The following ALK variants were observed in gnomAD, a reference collection of about 807,000 sequenced individuals.
ALK encodes ALK tyrosine kinase receptor.
Under a neutral mutation model 163.1 loss-of-function variants are expected in ALK, and 74 were observed. That is an observed-to-expected ratio of 0.45 (90% CI 0.38 to 0.55). ALK has a LOEUF of 0.55. ALK is among the 20% of genes least tolerant of loss of function. The pLI is 0.00. For synonymous variants in ALK, 960 were observed against 843.2 expected (o/e 1.14, Z -2.40); for missense variants, 2,063 against 2,105.3 (o/e 0.98, Z 0.39).
intron 4 of ALK, among the ~76,000 whole-genome samples, chr2:29,516,367 A>G (rs1672663847): frequency 6.6e-6 from 1 of 152,152 alleles, no homozygotes; most frequent in Non-Finnish European, 1.5e-5. Flanking sequence ...TACAGATACC[A>G]TATGTGGTGA....
intron 26 of ALK, among the ~76,000 whole-genome samples, chr2:29,206,602 C>T (rs542483654): frequency 1.0e-3 from 155 of 152,196 alleles, no homozygotes; most frequent in African/African-American, 3.7e-3. Context: ...CTGGACCTTT[C>T]TGGGGCTCTC....
Position 29,502,282 on chromosome 2 carries a change from C to T in ALK, c.1154+29633G>A, listed in dbSNP as rs75461004. ...CATTGCTGGCTTCTTTGGTGGTCCC[C>T]AAACCCCTAACAGAGCTTTGTACAG... On this transcript the variant is annotated intron_variant, in intron 4 of 28. Transcript: ENST00000389048. 1.9e-3 allele frequency among the ~76,000 whole-genome samples: 286 copies of T among 152,278 alleles called. 12 individuals carry two copies. In the East Asian group the frequency reaches 0.053, roughly 28 times the overall value.
chr2:29,283,642 G>T (rs988042605), intron 9 of ALK, among the ~76,000 whole-genome samples: 4 of 152,082 alleles, frequency 2.6e-5, no homozygotes, highest in Non-Finnish European at 1.5e-5. Context: ...TGAAGACTGG[G>T]TCTATATAGT....
intron 1 of ALK, among the ~76,000 whole-genome samples, chr2:29,758,310 C>T (rs954144881): frequency 6.6e-6 from 1 of 152,122 alleles, no homozygotes; most frequent in Admixed American, 6.6e-5. Context: ...ATTTGGGGAG[C>T]ACTGGGGGTG....
At chr2:29,636,864 G>T (rs1676549140) in intron 3 of ALK, among the ~76,000 whole-genome samples, 1 of 152,100 alleles carries the variant, frequency 6.6e-6, no homozygotes, top group African/African-American at 2.4e-5. Context: ...TAACTATTAG[G>T]AAAACGCAAA....
At chr2:29,408,225 G>C (rs1173935976) in intron 4 of ALK, among the ~76,000 whole-genome samples, 3 of 151,784 alleles carry the variant, frequency 2.0e-5, no homozygotes, top group African/African-American at 7.3e-5. Context: ...TGGGACTACA[G>C]GTACGTGCCA....
At chr2:29,445,082 T>C (rs1443852765) in intron 4 of ALK, among the ~76,000 whole-genome samples, 2 of 152,200 alleles carry the variant, frequency 1.3e-5, no homozygotes, top group African/African-American at 4.8e-5. Flanking sequence ...TACTTCCCAT[T>C]GTGTGTCTCC....
chr2:29,320,851 A>C lies in ALK; in HGVS notation c.1446T>G (p.Phe482Leu), dbSNP rs1174777663. 6.2e-7 allele frequency: 1 copy of C among 1,614,206 alleles called. No individual in the cohort carries two copies. The highest frequency in any genetic ancestry group is 1.7e-5 in the Admixed American group (1 of 60,030). ...GGGTCCAGCCACAGAAGCCATCTTC[A>C]AAGTTGCAGTAAAAACCCACAGGCA... is the stretch of plus-strand genomic sequence containing the variant. ...RKLPVGFYCN[F>L]EDGFCGWTQG... Residue 482 changes from phenylalanine (F) to leucine (L), a missense_variant, in exon 7 of 29, where the codon TTT (phenylalanine) becomes TTG (leucine). This residue lies in a region of ALK where 987 missense variants were observed against 939.5 expected (regional missense o/e 1.05). Coordinates refer to ENST00000389048, the MANE Select transcript of ALK (RefSeq NM_004304.5).
intron 4 of ALK, among the ~76,000 whole-genome samples, chr2:29,454,253 AC>A (rs899191754): frequency 1.2e-4 from 19 of 152,080 alleles, no homozygotes; most frequent in African/African-American, 4.1e-4. Flanking sequence ...TGGTTCCAGG[AC>A]CCCCCTGTGG....
chr2:29,786,481 G>C (rs1330146449), intron 1 of ALK, among the ~76,000 whole-genome samples: 1 of 152,196 alleles, frequency 6.6e-6, no homozygotes, highest in Non-Finnish European at 1.5e-5. Flanking sequence ...AGCAATCAAT[G>C]TTATACCTAG....
At chr2:29,454,482 A>G (rs1481795898) in intron 4 of ALK, among the ~76,000 whole-genome samples, 1 of 151,920 alleles carries the variant, frequency 6.6e-6, no homozygotes. Context: ...AGTAGTTTTG[A>G]TCCTCAGTTG....
At chr2:29,542,323 T>C (rs1465510501) in intron 3 of ALK, among the ~76,000 whole-genome samples, 1 of 152,182 alleles carries the variant, frequency 6.6e-6, no homozygotes, top group African/African-American at 2.4e-5. Flanking sequence ...CTTGAAAAAA[T>C]TACTCCCTTC....
At chr2:29,383,923 A>C in intron 4 of ALK, 64 bp from the exon 5 acceptor site, 18 of 1,590,478 alleles carry the variant, frequency 1.1e-5, no homozygotes, top group Non-Finnish European at 1.5e-5. Flanking sequence ...TAGGCCTAAC[A>C]TGTGGACAGG....
At chr2:29,672,489 C>G (rs1677732803) in intron 3 of ALK, among the ~76,000 whole-genome samples, 1 of 150,084 alleles carries the variant, frequency 6.7e-6, no homozygotes, top group African/African-American at 2.5e-5. Context: ...ATCCATGTCC[C>G]TACAAAGGAC....
chr2:29,679,129 T>C (rs778379109), intron 3 of ALK, among the ~76,000 whole-genome samples: 9 of 151,906 alleles, frequency 5.9e-5, no homozygotes, highest in Admixed American at 1.3e-4. Flanking sequence ...ATATACTGTT[T>C]AGTATATTTT....
At chr2:29,874,779 C>T (rs2148414397) in intron 1 of ALK, among the ~76,000 whole-genome samples, 1 of 152,278 alleles carries the variant, frequency 6.6e-6, no homozygotes, top group Non-Finnish European at 1.5e-5. Context: ...TTGTAAATGA[C>T]ATTGGAGGCA....
chr2:29,434,606 A>G (rs1464626259), intron 4 of ALK, among the ~76,000 whole-genome samples: 1 of 152,252 alleles, frequency 6.6e-6, no homozygotes, highest in Admixed American at 6.5e-5. Flanking sequence ...TAAGTCAGTC[A>G]ATAAGTAATA....
intron 15 of ALK, among the ~76,000 whole-genome samples, chr2:29,230,981 G>A (rs1202842199): frequency 6.6e-6 from 1 of 152,128 alleles, no homozygotes; most frequent in Non-Finnish European, 1.5e-5. Flanking sequence ...TGCAGCCTTC[G>A]AGCAAATGTG....
At chr2:29,200,440 C>G (rs944748802) in intron 26 of ALK, among the ~76,000 whole-genome samples, 1 of 152,042 alleles carries the variant, frequency 6.6e-6, no homozygotes, top group Non-Finnish European at 1.5e-5. Context: ...TTCATATTTG[C>G]AAACAATACC....
Sources: allele counts gnomAD v4.1 joint callset (sites outside exome capture counted in the v4.1 genomes callset), GRCh38; gene constraint gnomAD v4.1.1; regional missense constraint gnomAD v4.1.1; transcripts MANE v1.5; gene names NCBI Gene and HGNC (gene_info 2026-07-23, HGNC 2026-07-21).